Variants in PREPL observed in about 807,000 individuals in gnomAD.
The protein encoded by PREPL is prolyl endopeptidase-like.
Under a neutral mutation model 70.6 loss-of-function variants are expected in PREPL, and 77 were observed. The ratio of observed to expected loss-of-function variants is 1.09; its 90% CI spans 0.91 to 1.32. The LOEUF is 1.32. Ranked by LOEUF, PREPL falls within the 40% of genes most tolerant of loss-of-function variation. The pLI is 0.00. For synonymous variants in PREPL, 315 were observed against 264.8 expected (o/e 1.19, Z -1.84); for missense variants, 1,002 against 778.2 (o/e 1.29, Z -3.42).
Position 44,343,912 on chromosome 2 carries a change from T to A in PREPL, c.182A>T (p.Glu61Val). The A allele has an allele frequency of 6.2e-7, 1 of 1,614,020 alleles. No homozygotes were observed. Among genetic ancestry groups the A allele is most frequent in the South Asian group, 1.1e-5 (1 of 91,086 alleles). Reference protein sequence around the residue: ...DNYEVLFNLEELKLDQPFIDC... With the variant: ...DNYEVLFNLEVLKLDQPFIDC... ...AATGAAGGGCTGGTCTAACTTAAGT[T>A]CCTCCAAATTGAATAAAACTTCATA... Residue 61 changes from glutamate (E) to valine (V), a missense_variant, in exon 4 of 14, where the codon GAA becomes GTA. Glu to Val is a moderately radical substitution (Grantham distance 121). Coordinates refer to ENST00000409411, the MANE Select transcript of PREPL (RefSeq NM_001171613.2).
rs372717207 is a variant in PREPL at position 44,342,585 on chromosome 2, T to A, written c.350-33A>T. 47 of 1,371,256 alleles carry A rather than the reference T, an allele frequency of 3.4e-5. No homozygotes were observed. The African/African-American group carries it at 7.0e-4, about 20-fold the overall frequency. The allele number at this position is 1,371,256 out of a possible 1,614,324, so 84.9% of individuals were successfully genotyped here. A position where few individuals can be genotyped will look rare whatever the true frequency, so the allele number is the denominator to read the frequency against. On this transcript the variant is annotated intron_variant, in intron 4 of 13. Coordinates refer to ENST00000409411, the MANE Select transcript of PREPL (RefSeq NM_001171613.2). ...AAAATAATGAGATAATTATACATAA[T>A]CACCTACACTCCATTAAAAAAAAAA...
At chr2:44,344,670 AAG>A in intron 2 of PREPL, 84 bp from the exon 3 acceptor site, 3 of 1,032,546 alleles carry the variant, frequency 2.9e-6, no homozygotes, top group South Asian at 3.4e-5. Context: ...AGATGAAATG[AAG>A]ACTCTTATAA....
At chr2:44,357,888 A>G (rs1393965877) in intron 1 of PREPL, among the ~76,000 whole-genome samples, 2 of 152,238 alleles carry the variant, frequency 1.3e-5, no homozygotes, top group Non-Finnish European at 2.9e-5. Context: ...AAAAGAAGTT[A>G]TAAAGAATTT....
intron 11 of PREPL, 64 bp from the exon 12 acceptor site, chr2:44,322,918 A>G (rs1216469074): frequency 1.3e-6 from 2 of 1,550,968 alleles, no homozygotes; most frequent in Non-Finnish European, 1.7e-6. Flanking sequence ...CACTATAGAG[A>G]CTATGAAAAA....
At chr2:44,331,872 TTTC>T (rs952655427) in intron 8 of PREPL, among the ~76,000 whole-genome samples, 13 of 152,210 alleles carry the variant, frequency 8.5e-5, no homozygotes, top group Non-Finnish European at 1.9e-4. Flanking sequence ...CTATTAATTT[TTTC>T]TTAAAATCAA....
At chr2:44,361,705 G>A, upstream of PREPL, 1 of 362,316 alleles carries the variant, frequency 2.8e-6, no homozygotes, top group Admixed American at 4.8e-5. Flanking sequence ...TCGAGATGAA[G>A]CACAGAAGGC....
chr2:44,322,440 A>C (rs1356065018), intron 12 of PREPL, among the ~76,000 whole-genome samples: 1 of 152,248 alleles, frequency 6.6e-6, no homozygotes, highest in East Asian at 1.9e-4. Context: ...TAAATGAATT[A>C]ATAATTGTAT....
chr2:44,327,769 A>G (rs1450115846), intron 9 of PREPL, among the ~76,000 whole-genome samples: 1 of 152,042 alleles, frequency 6.6e-6, no homozygotes, highest in Non-Finnish European at 1.5e-5. Flanking sequence ...AGGCTGAGGC[A>G]AGAGAATTAC....
chr2:44,355,995 A>G (rs1001159745), intron 1 of PREPL, among the ~76,000 whole-genome samples: 5 of 152,168 alleles, frequency 3.3e-5, no homozygotes, highest in South Asian at 2.1e-4. Flanking sequence ...AAGAAATGTG[A>G]TATCTGGATG....
chr2:44,355,751 T>C (rs1373806972), intron 1 of PREPL, among the ~76,000 whole-genome samples: 5 of 141,362 alleles, frequency 3.5e-5, no homozygotes, highest in African/African-American at 1.1e-4. Context: ...AAACTACATA[T>C]TATATATATA....
At position 44,338,384 on chromosome 2, in the gene PREPL, A is replaced by C; in HGVS notation, c.855T>G (p.Ile285Met). The change falls in exon 7 of 14, where the codon ATT becomes ATG. Residue 285 changes from isoleucine to methionine, a missense_variant. Coordinates refer to ENST00000409411, the MANE Select transcript of PREPL (RefSeq NM_001171613.2). ...ACCGAACTGAATCATCAGCCAGACC[A>C]ATCACATTAACATAAAGGAGATTGC... ...KHSNLLYVNV[I>M]GLADDSVRSL... 6.2e-7 allele frequency: 1 copy of C among 1,612,980 alleles called. No individual in the cohort carries two copies. The highest frequency in any genetic ancestry group is 8.5e-7 in the Non-Finnish European group (1 of 1,179,748).
At position 44,317,755 on chromosome 2, in the gene PREPL, A is replaced by G. The variant is rs1672548025; in HGVS notation, c.*3601T>C. On this transcript the variant is annotated 3_prime_UTR_variant, in exon 14 of 14. Coordinates refer to ENST00000409411, the MANE Select transcript of PREPL (RefSeq NM_001171613.2). ...AAAAAAATTATACAGTCAATCCAACAAAAAGCTTAATAGAAAAAAACCCTA... is the reference window on the plus strand; with the variant it reads ...AAAAAAATTATACAGTCAATCCAACGAAAAGCTTAATAGAAAAAAACCCTA... The G allele has an allele frequency of 6.6e-6, 1 of 152,578 alleles. No homozygotes were observed. Among genetic ancestry groups the G allele is most frequent in the African/African-American group, 2.4e-5 (1 of 41,458 alleles). The allele number at this position is 152,578 out of a possible 1,614,324, so 9.5% of individuals were successfully genotyped here. A position where few individuals can be genotyped will look rare whatever the true frequency, so the allele number is the denominator to read the frequency against.
At chr2:44,349,918 A>C (rs1031481778) in intron 1 of PREPL, among the ~76,000 whole-genome samples, 2 of 152,218 alleles carry the variant, frequency 1.3e-5, no homozygotes, top group Non-Finnish European at 2.9e-5. Context: ...AAAGCTATAT[A>C]AGTCACTAAC....
chr2:44,353,011 C>T (rs1302096191), intron 1 of PREPL, among the ~76,000 whole-genome samples: 1 of 152,140 alleles, frequency 6.6e-6, no homozygotes, highest in Non-Finnish European at 1.5e-5. Context: ...CTTTGGGAAG[C>T]TGAGACAGGA....
Position 44,320,481 on chromosome 2 carries a change from G to T in PREPL, c.*875C>A. 6.2e-7 allele frequency: 1 copy of T among 1,614,140 alleles called. No homozygotes were observed. The highest frequency in any genetic ancestry group is 8.5e-7 in the Non-Finnish European group (1 of 1,179,986). On this transcript the variant is annotated 3_prime_UTR_variant, in exon 14 of 14. Coordinates refer to ENST00000409411, the MANE Select transcript of PREPL (RefSeq NM_001171613.2). Reference sequence around the variant, plus strand: ...TTCTGCCGACAAAGGCAGTAAAGTTGATACAAGTGGCATTTTTCTGGACAA... The same window carrying T: ...TTCTGCCGACAAAGGCAGTAAAGTTTATACAAGTGGCATTTTTCTGGACAA...
At position 44,328,981 on chromosome 2, in the gene PREPL, C is replaced by G; in HGVS notation, c.1218G>C (p.Arg406=). 1.9e-6 allele frequency: 3 copies of G among 1,614,064 alleles called. No homozygotes were observed. The highest frequency in any genetic ancestry group is 2.5e-6 in the Non-Finnish European group (3 of 1,179,996). Reference sequence around the variant, plus strand: ...ATATCCATCCATCATCCACCAGGACCCGCCTCTCAGGCCTGAAATTCATTT... The same window carrying G: ...ATATCCATCCATCATCCACCAGGACGCGCCTCTCAGGCCTGAAATTCATTT... ...DLKMNFRPER[R]VLVDDGWILA... The change falls in exon 9 of 14, where the codon CGG becomes CGC. Residue 406 remains arginine (R), a synonymous_variant. Transcript: ENST00000409411.
chr2:44,342,984 C>T (rs899512899), intron 4 of PREPL, among the ~76,000 whole-genome samples: 1 of 152,306 alleles, frequency 6.6e-6, no homozygotes, highest in African/African-American at 2.4e-5. Context: ...CTACCAAACA[C>T]AATTTAATGC....
chr2:44,361,724 T>A, upstream of PREPL: 1 of 402,170 alleles, frequency 2.5e-6, no homozygotes, highest in East Asian at 4.0e-5. Context: ...GCTAAAACAA[T>A]GAGGGACAGC....
rs1313932382 is a variant in PREPL at position 44,319,164 on chromosome 2, AT to A, written c.*2191del. 1.3e-5 allele frequency: 2 copies of A among 152,672 alleles called. No homozygotes were observed. Among genetic ancestry groups the A allele is most frequent in the African/African-American group, 4.8e-5 (2 of 41,470 alleles). The allele number at this position is 152,672 out of a possible 1,614,324, so 9.5% of individuals were successfully genotyped here. On this transcript the variant is annotated 3_prime_UTR_variant, in exon 14 of 14. Transcript: ENST00000409411. The stretch of plus-strand genomic sequence containing the variant: ...TCTTTTTAAACACCATTAGATAATT[AT>A]TTAAAGACCACATATTGGGAACCTA...
Sources: allele counts gnomAD v4.1 joint callset (sites outside exome capture counted in the v4.1 genomes callset), GRCh38; gene constraint gnomAD v4.1.1; transcripts MANE v1.5; gene names NCBI Gene and HGNC (gene_info 2026-07-23, HGNC 2026-07-21).